The following GALK2 variants were observed in gnomAD, a reference collection of about 807,000 sequenced individuals.
The protein encoded by GALK2 is galactokinase 2.
In GALK2, 36 loss-of-function variants were observed where a neutral mutation model predicts 52.4. The ratio of observed to expected loss-of-function variants is 0.69; its 90% CI spans 0.53 to 0.91. The LOEUF (loss-of-function observed/expected upper bound fraction) is 0.91, where lower values mean the gene tolerates loss of function less well. Ranked by LOEUF, GALK2 falls within the 40% of genes least tolerant of loss-of-function variation. The pLI is 0.00. For missense variants in GALK2, 579 were observed against 559.1 expected, an observed-to-expected ratio of 1.04 and a Z score of -0.36; for synonymous variants, 176 against 199.1, an observed-to-expected ratio of 0.88 and a Z score of 0.98.
chr15:49,283,417 G>GTGCC, intron 6 of GALK2, 149 bp from the exon 7 acceptor site: 1 of 640,906 alleles, frequency 1.6e-6, no homozygotes, highest in Admixed American at 3.0e-5. Context: ...TGTATTTCCA[G>GTGCC]TGCCTAGTAC....
intron 9 of GALK2, among the ~76,000 whole-genome samples, chr15:49,323,690 G>C (rs2037091613): frequency 6.6e-6 from 1 of 152,160 alleles, no homozygotes; most frequent in South Asian, 2.1e-4. Context: ...ATAGGACAAT[G>C]TATAGAACAA....
chr15:49,330,781 G>T lies in GALK2; in HGVS notation c.*2622G>T, dbSNP rs1201489820. The T allele has an allele frequency of 4.0e-5, 6 of 151,148 alleles. No individual in the cohort carries two copies. The highest frequency in any genetic ancestry group is 5.9e-5 in the Non-Finnish European group (4 of 67,754). The allele number at this position is 151,148 out of a possible 1,614,324, so 9.4% of individuals were successfully genotyped here. On this transcript the variant is annotated 3_prime_UTR_variant, in exon 10 of 10. Transcript: ENST00000560031. ...AAAGAGAGAAAGAATGAATATTTTT[G>T]TGTGTGGATGTAAAAAATAGTCCTT...
intron 5 of GALK2, among the ~76,000 whole-genome samples, chr15:49,247,279 T>C (rs2091397892): frequency 1.3e-5 from 2 of 152,086 alleles, no homozygotes; most frequent in African/African-American, 2.4e-5. Context: ...GGCCATGGTG[T>C]GTAGCATCTT....
chr15:49,365,069 T>A (rs1001979721), intron 3 of GALK2: 2 of 579,014 alleles, frequency 3.5e-6, no homozygotes, highest in Admixed American at 2.9e-5. Context: ...ATTTAAAAAG[T>A]CAAAGTCTAT....
intron 5 of GALK2, among the ~76,000 whole-genome samples, chr15:49,271,942 C>T (rs2030716798): frequency 1.3e-5 from 2 of 152,234 alleles, no homozygotes; most frequent in African/African-American, 2.4e-5. Context: ...AATGGAGGAA[C>T]ATTTTGATGA....
chr15:49,327,906 G>C, intron 9 of GALK2, 46 bp from the exon 10 acceptor site: 1 of 1,563,934 alleles, frequency 6.4e-7, no homozygotes, highest in Non-Finnish European at 8.7e-7. Context: ...CAAATCCCTT[G>C]TATTTTCATT....
At chr15:49,223,455 G>A (rs1478691225) in intron 3 of GALK2, among the ~76,000 whole-genome samples, 1 of 152,056 alleles carries the variant, frequency 6.6e-6, no homozygotes, top group African/African-American at 2.4e-5. Context: ...GGTGATGTTT[G>A]GGGTACAGAT....
chr15:49,240,452 T>G (rs945908199), intron 5 of GALK2, among the ~76,000 whole-genome samples: 1 of 152,212 alleles, frequency 6.6e-6, no homozygotes, highest in African/African-American at 2.4e-5. Flanking sequence ...TCACTATGCT[T>G]ATAGTCTAAA....
At chr15:49,233,841 A>T (rs905190661) in intron 3 of GALK2, among the ~76,000 whole-genome samples, 20 of 152,242 alleles carry the variant, frequency 1.3e-4, no homozygotes, top group African/African-American at 4.6e-4. Flanking sequence ...TCAGCCACGT[A>T]TGCCACCCAG....
At chr15:49,186,191 C>T (rs928249108) in intron 1 of GALK2, among the ~76,000 whole-genome samples, 13 of 152,150 alleles carry the variant, frequency 8.5e-5, no homozygotes, top group Non-Finnish European at 1.5e-4. Context: ...TTTGAATAAA[C>T]GTCCTATCCC....
intron 5 of GALK2, among the ~76,000 whole-genome samples, chr15:49,268,250 G>A (rs941090197): frequency 6.6e-6 from 1 of 152,182 alleles, no homozygotes; most frequent in African/African-American, 2.4e-5. Context: ...TGTGATAAAT[G>A]TTATGAAGGA....
At chr15:49,203,115 A>T (rs2087931911) in intron 2 of GALK2, among the ~76,000 whole-genome samples, 1 of 152,114 alleles carries the variant, frequency 6.6e-6, no homozygotes, top group African/African-American at 2.4e-5. Flanking sequence ...CAGTGGCACG[A>T]TCTGGGCTCA....
intron 8 of GALK2, among the ~76,000 whole-genome samples, chr15:49,314,314 CA>C (rs1159379568): frequency 6.6e-6 from 1 of 152,164 alleles, no homozygotes; most frequent in Non-Finnish European, 1.5e-5. Flanking sequence ...TTTTCTCTCA[CA>C]TCTGTAAAGC....
chr15:49,306,524 T>G (rs1228529170), intron 8 of GALK2, among the ~76,000 whole-genome samples: 1 of 152,186 alleles, frequency 6.6e-6, no homozygotes, highest in Non-Finnish European at 1.5e-5. Flanking sequence ...TAAGCACTAA[T>G]TTTTCTTTTG....
intron 7 of GALK2, among the ~76,000 whole-genome samples, chr15:49,288,479 T>C (rs1390667035): frequency 6.6e-6 from 1 of 152,204 alleles, no homozygotes; most frequent in Non-Finnish European, 1.5e-5. Flanking sequence ...ATGAAACTTA[T>C]TCTTTGTCTG....
In GALK2 at chr15:49,330,506, C is replaced by T. The variant is rs1343081324; in HGVS notation, c.*2347C>T. 1 of 152,156 alleles carries T rather than the reference C, an allele frequency of 6.6e-6. No homozygotes were observed. Among genetic ancestry groups the T allele is most frequent in the Non-Finnish European group, 1.5e-5 (1 of 68,028 alleles). The allele number at this position is 152,156 out of a possible 1,614,324, so 9.4% of individuals were successfully genotyped here. A position where few individuals can be genotyped will look rare whatever the true frequency, so the allele number is the denominator to read the frequency against. The stretch of plus-strand genomic sequence containing the variant: ...TGATACTACTTGTCCAACATTTCTA[C>T]AGGGCATCAATGAACTAGGGCTGAG... On this transcript the variant is annotated 3_prime_UTR_variant, in exon 10 of 10. Coordinates refer to ENST00000560031, the MANE Select transcript of GALK2 (RefSeq NM_002044.4).
At chr15:49,199,250 T>C (rs760679543) in intron 1 of GALK2, 1 of 152,210 alleles carries the variant, frequency 6.6e-6, no homozygotes, top group African/African-American at 2.4e-5. Context: ...GTTTTGTAGT[T>C]CACTATGGTC....
chr15:49,167,755 A>G (rs1297561592), upstream of GALK2, among the ~76,000 whole-genome samples: 1 of 152,232 alleles, frequency 6.6e-6, no homozygotes, highest in Non-Finnish European at 1.5e-5. Context: ...CTATCCCATA[A>G]GGATTGTTGG....
intron 3 of GALK2, among the ~76,000 whole-genome samples, chr15:49,226,964 T>G (rs1429578789): frequency 6.6e-6 from 1 of 152,242 alleles, no homozygotes; most frequent in Non-Finnish European, 1.5e-5. Flanking sequence ...CACTGTCTAG[T>G]TTTATTCTGT....
Sources: allele counts gnomAD v4.1 joint callset (sites outside exome capture counted in the v4.1 genomes callset), GRCh38; gene constraint gnomAD v4.1.1; transcripts MANE v1.5; gene names NCBI Gene and HGNC (gene_info 2026-07-23, HGNC 2026-07-21).